The following TBC1D1 variants were observed in gnomAD, a reference collection of about 807,000 sequenced individuals.
The protein encoded by TBC1D1 is TBC1 (tre-2/USP6, BUB2, cdc16) domain family, member 1.
A neutral mutation model predicts 125.6 loss-of-function variants in TBC1D1; 89 were observed. The ratio of observed to expected loss-of-function variants is 0.71; its 90% confidence interval spans 0.60 to 0.85. The LOEUF is 0.85. Ranked by LOEUF, TBC1D1 falls within the 40% of genes least tolerant of loss-of-function variation. The probability of loss-of-function intolerance (pLI) is 0.00; values close to 1 mark genes in which losing one functional copy is unlikely to be tolerated. For missense variants in TBC1D1, 1,377 were observed against 1,469.2 expected, an observed-to-expected ratio of 0.94 and a Z score of 1.03; for synonymous variants, 565 against 564.1, an observed-to-expected ratio of 1.00 and a Z score of -0.02.
chr4:37,900,615 T>A (rs1338614745), intron 1 of TBC1D1, among the ~76,000 whole-genome samples: 1 of 151,254 alleles, frequency 6.6e-6, no homozygotes, highest in Non-Finnish European at 1.5e-5. Context: ...GCTAGGGGAG[T>A]GGGGCAGGGG....
chr4:38,050,118 A>C (rs1379297531), intron 11 of TBC1D1, among the ~76,000 whole-genome samples: 2 of 152,182 alleles, frequency 1.3e-5, no homozygotes, highest in Non-Finnish European at 2.9e-5. Context: ...AGTGAGCAAA[A>C]ATGGTACCTA....
chr4:38,013,724 C>T (rs914182541), intron 2 of TBC1D1, among the ~76,000 whole-genome samples: 3 of 152,176 alleles, frequency 2.0e-5, no homozygotes, highest in Non-Finnish European at 4.4e-5. Flanking sequence ...AGGGACAACA[C>T]CGTGGCAGAT....
chr4:38,053,936 T>C (rs1751192901), intron 11 of TBC1D1, among the ~76,000 whole-genome samples: 2 of 152,248 alleles, frequency 1.3e-5, no homozygotes, highest in Admixed American at 1.3e-4. Context: ...AACTATGATA[T>C]GTGGAACATG....
At chr4:38,098,833 C>T (rs1759812295) in intron 14 of TBC1D1, among the ~76,000 whole-genome samples, 1 of 152,078 alleles carries the variant, frequency 6.6e-6, no homozygotes, top group South Asian at 2.1e-4. Flanking sequence ...GAGGCCCTTC[C>T]TCATAGTGAC....
chr4:38,095,802 T>A (rs1057204208), intron 13 of TBC1D1, 127 bp from the exon 16 acceptor site: 2 of 929,438 alleles, frequency 2.2e-6, no homozygotes, highest in Admixed American at 5.0e-5. Context: ...TGACTTATAT[T>A]TAGACGCGTT....
Position 38,021,718 on chromosome 4 carries a change from G to T in TBC1D1, c.1210G>T (p.Gly404Ter). 6.4e-7 allele frequency: 1 copy of T among 1,559,598 alleles called. No homozygotes were observed. The highest frequency in any genetic ancestry group is 8.7e-7 in the Non-Finnish European group (1 of 1,154,702). ...GCACAAGCTCTGTGAGAGGATAGAG[G>T]GTGAGTAGGGGACCCTTTCCAGCAT... The change falls in exon 6 of 20, where the codon GGA becomes TGA. Residue 404 changes from glycine (G) to a stop codon, truncating the protein, a stop_gained and splice_region_variant. Coordinates refer to ENST00000261439, the MANE Select transcript of TBC1D1 (RefSeq NM_015173.4). LOFTEE classifies it high-confidence loss of function.
intron 12 of TBC1D1, among the ~76,000 whole-genome samples, chr4:38,063,848 A>C (rs28497086): frequency 0.66 from 100,051 of 151,792 alleles, 34,153 homozygotes; most frequent in African/African-American, 0.85. Context: ...AGACTGGTCT[A>C]CAACTCATGG....
chr4:37,920,069 C>A (rs180709250), intron 2 of TBC1D1, among the ~76,000 whole-genome samples: 1 of 152,282 alleles, frequency 6.6e-6, no homozygotes, highest in Admixed American at 6.5e-5. Context: ...GCCGAGATAA[C>A]GCCACTGCAC....
intron 8 of TBC1D1, among the ~76,000 whole-genome samples, chr4:38,037,137 G>A (rs1397514031): frequency 2.0e-5 from 3 of 152,036 alleles, no homozygotes; most frequent in Non-Finnish European, 1.5e-5. Context: ...ACGGTGGATG[G>A]AAAGTCTTCT....
chr4:37,960,707 A>G, intron 2 of TBC1D1: 2 of 1,614,240 alleles, frequency 1.2e-6, no homozygotes, highest in Non-Finnish European at 8.5e-7. Flanking sequence ...TTTCTGCCAA[A>G]AAGATGACCG....
chr4:37,899,061 A>C (rs751598866), intron 1 of TBC1D1, among the ~76,000 whole-genome samples: 9 of 152,182 alleles, frequency 5.9e-5, no homozygotes, highest in Non-Finnish European at 1.2e-4. Flanking sequence ...CAGGGGTGTG[A>C]TATGATAAAT....
At chr4:37,980,975 C>CTCTG (rs1469379233) in intron 2 of TBC1D1, among the ~76,000 whole-genome samples, 1 of 151,700 alleles carries the variant, frequency 6.6e-6, no homozygotes, top group African/African-American at 2.4e-5. Flanking sequence ...CTGAGTCTCA[C>CTCTG]TCTGTCGCCC....
At chr4:38,129,747 T>C (rs1238246778) in intron 18 of TBC1D1, among the ~76,000 whole-genome samples, 1 of 152,152 alleles carries the variant, frequency 6.6e-6, no homozygotes, top group Non-Finnish European at 1.5e-5. Context: ...AGAGGAGATA[T>C]CTAGTAAACA....
At chr4:37,931,250 C>T (rs576481911) in intron 2 of TBC1D1, among the ~76,000 whole-genome samples, 2 of 152,130 alleles carry the variant, frequency 1.3e-5, no homozygotes, top group African/African-American at 4.8e-5. Context: ...GTGCCTGCCA[C>T]CACATCTGGC....
At chr4:38,111,729 C>T (rs570041938) in intron 15 of TBC1D1, among the ~76,000 whole-genome samples, 9 of 152,310 alleles carry the variant, frequency 5.9e-5, no homozygotes, top group Admixed American at 2.0e-4. Flanking sequence ...CAGCGACCTC[C>T]AGGGGTCCTC....
At chr4:37,960,801 C>A (rs769138743) in intron 2 of TBC1D1, 1 of 1,614,164 alleles carries the variant, frequency 6.2e-7, no homozygotes, top group Non-Finnish European at 8.5e-7. Flanking sequence ...CTTCAATCTT[C>A]TAGACTTTGA....
intron 2 of TBC1D1, among the ~76,000 whole-genome samples, chr4:37,922,420 T>C (rs1000724739): frequency 6.6e-6 from 1 of 152,162 alleles, no homozygotes; most frequent in Admixed American, 6.5e-5. Flanking sequence ...GTGGAGACAC[T>C]GGGGAGGCTC....
In TBC1D1 at chr4:38,040,566, C is replaced by T. The variant is rs542061576; in HGVS notation, c.1414-3796C>T. Among the ~76,000 whole-genome samples the T allele has an allele frequency of 1.9e-4, 29 of 152,302 alleles. No homozygotes were observed. The South Asian group carries it at 5.8e-3, about 30-fold the overall frequency. On this transcript the variant is annotated intron_variant, in intron 8 of 19. Coordinates refer to ENST00000261439, the MANE Select transcript of TBC1D1 (RefSeq NM_015173.4). ...CCTCCTAAAGTGCTGGGATTACAGG[C>T]GTGAGCCACTGCGCCTGGCTCATAT...
At position 38,137,294 on chromosome 4, in the gene TBC1D1, C is replaced by G. The variant is rs142224285; in HGVS notation, c.3466C>G (p.Arg1156Gly). 2 of 1,611,424 alleles carry G rather than the reference C, an allele frequency of 1.2e-6. No homozygotes were observed. Among genetic ancestry groups the G allele is most frequent in the East Asian group, 4.5e-5 (2 of 44,858 alleles). The change falls in exon 20 of 20, where the codon CGG (arginine) becomes GGG (glycine). Residue 1156 changes from arginine (R) to glycine (G), a missense_variant. Transcript: ENST00000261439. ...GCGGCGGAGCGCAGAGCCCAGCGAC[C>G]GGGAGCCTGAGTGCACGCAGCCCGA...
Sources: allele counts gnomAD v4.1 joint callset (sites outside exome capture counted in the v4.1 genomes callset), GRCh38; gene constraint gnomAD v4.1.1; transcripts MANE v1.5; gene names NCBI Gene and HGNC (gene_info 2026-07-23, HGNC 2026-07-21).